The following GPC5 variants were observed in gnomAD, a reference collection of about 807,000 sequenced individuals.
GPC5 encodes the protein glypican 5.
A neutral mutation model predicts 53.9 loss-of-function variants in GPC5; 47 were observed. The observed-to-expected ratio is 0.87, with a 90% CI of 0.69 to 1.11. GPC5 has a LOEUF of 1.11. Among genes scored for constraint, GPC5 ranks in the 50% most tolerant of loss-of-function variants. The pLI, the probability that GPC5 is intolerant of heterozygous loss-of-function variation, is 0.00. For synonymous variants in GPC5, 286 were observed against 263.3 expected (o/e 1.09, Z -0.84); for missense variants, 748 against 713.1 (o/e 1.05, Z -0.56).
At chr13:91,720,400 T>A (rs569265987) in intron 3 of GPC5, among the ~76,000 whole-genome samples, 1 of 152,288 alleles carries the variant, frequency 6.6e-6, no homozygotes, top group East Asian at 1.9e-4. Context: ...ATTTAATCTT[T>A]AAAAACAACA....
intron 7 of GPC5, among the ~76,000 whole-genome samples, chr13:92,812,724 G>C (rs971710648): frequency 3.3e-5 from 5 of 151,776 alleles, no homozygotes; most frequent in African/African-American, 1.2e-4. Flanking sequence ...ACATCCACAA[G>C]AAATCTTACT....
chr13:91,420,117 A>G (rs1878506017), intron 1 of GPC5, among the ~76,000 whole-genome samples: 1 of 152,146 alleles, frequency 6.6e-6, no homozygotes, highest in Non-Finnish European at 1.5e-5. Flanking sequence ...CCTAAGGATT[A>G]TTAGTAAACT....
chr13:91,998,906 C>A (rs1031664835), intron 6 of GPC5, among the ~76,000 whole-genome samples: 13 of 152,118 alleles, frequency 8.5e-5, no homozygotes, highest in African/African-American at 3.1e-4. Context: ...ATTCAAAGGG[C>A]CTTATTGACC....
intron 7 of GPC5, among the ~76,000 whole-genome samples, chr13:92,651,190 C>T (rs1410602075): frequency 2.6e-5 from 4 of 151,282 alleles, no homozygotes; most frequent in Non-Finnish European, 4.4e-5. Flanking sequence ...TATATCTATC[C>T]TATTAGTTCT....
At chr13:91,774,672 A>T (rs565859214) in intron 5 of GPC5, among the ~76,000 whole-genome samples, 1 of 152,246 alleles carries the variant, frequency 6.6e-6, no homozygotes, top group East Asian at 1.9e-4. Context: ...CCTGACCCAA[A>T]GTCCATGCTC....
chr13:91,798,198 A>G (rs1178312829), intron 5 of GPC5, among the ~76,000 whole-genome samples: 2 of 152,198 alleles, frequency 1.3e-5, no homozygotes, highest in Non-Finnish European at 2.9e-5. Context: ...TTTTAATTTA[A>G]GTTCTGGGGC....
At chr13:92,518,855 C>A (rs546489280) in intron 7 of GPC5, among the ~76,000 whole-genome samples, 1 of 152,096 alleles carries the variant, frequency 6.6e-6, no homozygotes, top group African/African-American at 2.4e-5. Context: ...AGAGTCAAGA[C>A]CCTTCAGTGT....
rs79943097 is a variant in GPC5, at chr13:91,599,416, T to C, written c.326-93771T>C. ...AATCAAGCCTGATGACTGATTAGTA[T>C]AATTGTTATTTTTGAGCATTTGGAC... On this transcript the variant is annotated intron_variant, in intron 2 of 7. Coordinates refer to ENST00000377067, the MANE Select transcript of GPC5 (RefSeq NM_004466.6). Among the ~76,000 whole-genome samples the C allele has an allele frequency of 2.6e-3, 396 of 152,260 alleles. 2 individuals are homozygous for C. Among genetic ancestry groups the C allele is most frequent in the African/African-American group, 9.0e-3 (375 of 41,564 alleles).
intron 2 of GPC5, among the ~76,000 whole-genome samples, chr13:91,519,526 C>T (rs1405231564): frequency 2.0e-5 from 3 of 152,192 alleles, no homozygotes; most frequent in Non-Finnish European, 4.4e-5. Context: ...CCACTTCGCT[C>T]TCTGTCTCCT....
chr13:91,471,330 A>G (rs1882611878), intron 2 of GPC5, among the ~76,000 whole-genome samples: 1 of 151,780 alleles, frequency 6.6e-6, no homozygotes, highest in Non-Finnish European at 1.5e-5. Context: ...TTTCTCTGAG[A>G]ATTTACTATA....
intron 7 of GPC5, among the ~76,000 whole-genome samples, chr13:92,165,209 G>A (rs1270530566): frequency 6.6e-6 from 1 of 152,148 alleles, no homozygotes; most frequent in Non-Finnish European, 1.5e-5. Context: ...CTCAGAAAAT[G>A]GGTTTTTCTT....
chr13:92,524,035 A>T (rs965257439), intron 7 of GPC5, among the ~76,000 whole-genome samples: 1 of 152,084 alleles, frequency 6.6e-6, no homozygotes, highest in Non-Finnish European at 1.5e-5. Context: ...TACTGATCAG[A>T]GTGGTGGTTG....
At chr13:92,529,564 T>C (rs562208448) in intron 7 of GPC5, among the ~76,000 whole-genome samples, 3 of 152,288 alleles carry the variant, frequency 2.0e-5, no homozygotes, top group African/African-American at 4.8e-5. Context: ...TCTAATATAG[T>C]AATGTAACCA....
chr13:91,951,963 A>G (rs1483649123), intron 6 of GPC5, among the ~76,000 whole-genome samples: 1 of 152,178 alleles, frequency 6.6e-6, no homozygotes, highest in African/African-American at 2.4e-5. Context: ...GAAAATAAGT[A>G]AATGGGTAAA....
chr13:92,537,818 G>A (rs144916209), intron 7 of GPC5, among the ~76,000 whole-genome samples: 118 of 152,170 alleles, frequency 7.8e-4, no homozygotes, highest in Non-Finnish European at 1.4e-3. Flanking sequence ...TGAGGAAGGC[G>A]TTTTATAAAT....
At chr13:92,767,419 C>T (rs531062793) in intron 7 of GPC5, among the ~76,000 whole-genome samples, 7 of 152,128 alleles carry the variant, frequency 4.6e-5, no homozygotes, top group African/African-American at 9.6e-5. Flanking sequence ...TGCAGTGAGC[C>T]GGGATCGCGC....
At chr13:92,117,015 G>A (rs186717917) in intron 6 of GPC5, among the ~76,000 whole-genome samples, 20 of 152,130 alleles carry the variant, frequency 1.3e-4, no homozygotes, top group South Asian at 4.1e-4. Context: ...AGCATCTTTC[G>A]TAGAGCAAAA....
chr13:92,698,115 G>GGACTT (rs1426463584), intron 7 of GPC5, among the ~76,000 whole-genome samples: 1 of 151,900 alleles, frequency 6.6e-6, no homozygotes, highest in East Asian at 1.9e-4. Flanking sequence ...ATTTTATTGA[G>GGACTT]GACTTTCACA....
At chr13:91,717,618 G>A (rs1047107311) in intron 3 of GPC5, among the ~76,000 whole-genome samples, 3 of 151,838 alleles carry the variant, frequency 2.0e-5, no homozygotes, top group African/African-American at 7.3e-5. Flanking sequence ...GTGCAATGGC[G>A]GGATCTTGGC....
Sources: allele counts gnomAD v4.1 joint callset (sites outside exome capture counted in the v4.1 genomes callset), GRCh38; gene constraint gnomAD v4.1.1; transcripts MANE v1.5; gene names NCBI Gene and HGNC (gene_info 2026-07-23, HGNC 2026-07-21).